The following NUMB variants were observed in gnomAD, a reference collection of about 807,000 sequenced individuals.
NUMB encodes protein numb homolog.
In NUMB, 29 loss-of-function variants were observed where a neutral mutation model predicts 59.7. That is an observed-to-expected ratio of 0.49 (90% CI 0.36 to 0.66). The LOEUF (loss-of-function observed/expected upper bound fraction) is 0.66, where lower values mean the gene tolerates loss of function less well. NUMB is among the 30% of genes least tolerant of loss of function. The pLI, the probability that NUMB is intolerant of heterozygous loss-of-function variation, is 0.00. For synonymous variants in NUMB, 288 were observed against 288.2 expected (o/e 1.00, Z 0.01); for missense variants, 723 against 822.0 (o/e 0.88, Z 1.47).
chr14:73,451,716 C>T (rs1883991610), intron 1 of NUMB, among the ~76,000 whole-genome samples: 1 of 152,128 alleles, frequency 6.6e-6, no homozygotes, highest in Non-Finnish European at 1.5e-5. Context: ...ATTACTTTTC[C>T]AAAGTCAAAG....
intron 6 of NUMB, among the ~76,000 whole-genome samples, chr14:73,308,358 T>G: frequency 6.6e-6 from 1 of 152,074 alleles, no homozygotes. Flanking sequence ...GAGAGAAAGA[T>G]CCTTCTCTCC....
chr14:73,351,270 G>A (rs1478976691), intron 4 of NUMB, among the ~76,000 whole-genome samples: 2 of 152,092 alleles, frequency 1.3e-5, no homozygotes, highest in African/African-American at 2.4e-5. Flanking sequence ...TCAAGAGATC[G>A]AGACAATCCT....
intron 8 of NUMB, among the ~76,000 whole-genome samples, chr14:73,292,045 G>A (rs1204395277): frequency 6.6e-6 from 1 of 151,168 alleles, no homozygotes; most frequent in African/African-American, 2.4e-5. Context: ...TTTTTGTTTT[G>A]TTCTGTTTTT....
chr14:73,319,196 G>A (rs1326488216), intron 5 of NUMB, among the ~76,000 whole-genome samples: 1 of 152,198 alleles, frequency 6.6e-6, no homozygotes, highest in African/African-American at 2.4e-5. Context: ...CCGGGAGGCG[G>A]AGGTTGCAGC....
At chr14:73,365,617 A>T (rs1440851687) in intron 3 of NUMB, among the ~76,000 whole-genome samples, 1 of 151,908 alleles carries the variant, frequency 6.6e-6, no homozygotes, top group Admixed American at 6.6e-5. Flanking sequence ...TAAGAAAAAA[A>T]TTAAAAATTA....
At chr14:73,328,530 T>C (rs1158212173) in intron 4 of NUMB, among the ~76,000 whole-genome samples, 1 of 152,218 alleles carries the variant, frequency 6.6e-6, no homozygotes, top group Non-Finnish European at 1.5e-5. Context: ...ATCACAATTT[T>C]ACCTTCCCAC....
At chr14:73,391,988 A>C (rs901967941) in intron 2 of NUMB, among the ~76,000 whole-genome samples, 1 of 152,176 alleles carries the variant, frequency 6.6e-6, no homozygotes, top group Non-Finnish European at 1.5e-5. Flanking sequence ...AACATTAACT[A>C]AATCACCCAA....
Position 73,275,513 on chromosome 14 carries a change from A to C in NUMB, c.*1065T>G, listed in dbSNP as rs1001819316. ...CCCACCAAGACCCATATTACAAACC[A>C]ATATGGTAACCTGTGTTCCCTTCTA... On this transcript the variant is annotated 3_prime_UTR_variant, in exon 13 of 13. Transcript: ENST00000555238. 3 of 152,210 alleles carry C rather than the reference A, an allele frequency of 2.0e-5. No individual in the cohort carries two copies. The highest frequency in any genetic ancestry group is 7.2e-5 in the African/African-American group (3 of 41,436). The allele number at this position is 152,210 out of a possible 1,614,324, so 9.4% of individuals were successfully genotyped here.
intron 4 of NUMB, among the ~76,000 whole-genome samples, chr14:73,350,068 CATACATACAT>C (rs1893145551): frequency 1.8e-5 from 2 of 113,736 alleles, no homozygotes; most frequent in Non-Finnish European, 3.7e-5. Flanking sequence ...TATATACATA[CATACATACAT>C]ACACACACAC....
intron 3 of NUMB, among the ~76,000 whole-genome samples, chr14:73,358,914 G>A (rs1004441220): frequency 6.6e-6 from 1 of 152,092 alleles, no homozygotes; most frequent in South Asian, 2.1e-4. Context: ...AAGAACCATC[G>A]ATGCTGGAAG....
intron 5 of NUMB, chr14:73,322,865 G>T (rs777974678): frequency 2.1e-4 from 43 of 204,926 alleles, no homozygotes; most frequent in Non-Finnish European, 3.4e-4. Context: ...AAAAATTTTT[G>T]AAATTAATAG....
Position 73,276,354 on chromosome 14 carries a change from T to C in NUMB, c.*224A>G, listed in dbSNP as rs1888152568. ...AGGGAGTACAGAAAGCAACATTTCC[T>C]TGACTTCTTTAGCCTAATTGCAAGG... On this transcript the variant is annotated 3_prime_UTR_variant, in exon 13 of 13. Coordinates refer to ENST00000555238, the MANE Select transcript of NUMB (RefSeq NM_001005743.2). 2.0e-6 allele frequency: 1 copy of C among 493,438 alleles called. No individual in the cohort carries two copies. The highest frequency in any genetic ancestry group is 1.9e-5 in the African/African-American group (1 of 52,242). The allele number at this position is 493,438 out of a possible 1,614,324, so 30.6% of individuals were successfully genotyped here. A position where few individuals can be genotyped will look rare whatever the true frequency, so the allele number is the denominator to read the frequency against.
At chr14:73,354,136 G>A (rs1401322595) in intron 4 of NUMB, among the ~76,000 whole-genome samples, 1 of 151,484 alleles carries the variant, frequency 6.6e-6, no homozygotes, top group Non-Finnish European at 1.5e-5. Context: ...TTTCCCTTCA[G>A]AAGCTTTAGC....
chr14:73,368,001 CCATTT>C (rs1342700278), intron 2 of NUMB, among the ~76,000 whole-genome samples: 5 of 151,478 alleles, frequency 3.3e-5, no homozygotes, highest in Non-Finnish European at 7.4e-5. Flanking sequence ...ACAAAAAATT[CCATTT>C]ATTTTCTTGT....
chr14:73,445,381 A>AAAAAAAAAAAAAAAAAAC (rs1206147366), intron 1 of NUMB, among the ~76,000 whole-genome samples: 4 of 129,790 alleles, frequency 3.1e-5, no homozygotes, highest in Admixed American at 7.7e-5. Flanking sequence ...AAAAAAAAAA[A>AAAAAAAAAAAAAAAAAAC]AAAAAAAAAA....
At position 73,333,870 on chromosome 14, in the gene NUMB, C is replaced by CA. The variant is rs1892134811; in HGVS notation, c.127-10667_127-10666insT. On this transcript the variant is annotated intron_variant, in intron 4 of 12. Coordinates refer to ENST00000555238, the MANE Select transcript of NUMB (RefSeq NM_001005743.2). ...ATTGTATGGTTTTAGATTGTTGATC[C>CA]TTTTTTTTTTTTGAGATGGAGTCTT... 2.1e-5 allele frequency among the ~76,000 whole-genome samples: 3 copies of CA among 143,420 alleles called. No homozygotes were observed. The South Asian group carries it at 6.5e-4, about 31-fold the overall frequency. The allele number at this position is 143,420 out of a possible 152,430, so 94.1% of individuals were successfully genotyped here. A position where few individuals can be genotyped will look rare whatever the true frequency, so the allele number is the denominator to read the frequency against.
intron 1 of NUMB, among the ~76,000 whole-genome samples, chr14:73,425,976 T>C (rs7161598): frequency 6.6e-6 from 1 of 151,878 alleles, no homozygotes; most frequent in African/African-American, 2.4e-5. Flanking sequence ...GCCCAGCTAA[T>C]TTTTTGTATT....
chr14:73,400,846 C>A (rs1896375389), intron 2 of NUMB, among the ~76,000 whole-genome samples: 1 of 152,218 alleles, frequency 6.6e-6, no homozygotes, highest in Non-Finnish European at 1.5e-5. Flanking sequence ...ATGCCCCTTT[C>A]CACATACCTT....
chr14:73,402,468 GATTA>G (rs945210241), intron 2 of NUMB, among the ~76,000 whole-genome samples: 1 of 152,174 alleles, frequency 6.6e-6, no homozygotes, highest in Admixed American at 6.5e-5. Context: ...ATCTCAGAGA[GATTA>G]ATTGATTTGC....
Sources: allele counts gnomAD v4.1 joint callset (sites outside exome capture counted in the v4.1 genomes callset), GRCh38; gene constraint gnomAD v4.1.1; transcripts MANE v1.5; gene names NCBI Gene and HGNC (gene_info 2026-07-23, HGNC 2026-07-21).